The following C3orf22 variants were observed in gnomAD, a reference collection of about 807,000 sequenced individuals.
The protein encoded by C3orf22 is uncharacterized protein C3orf22.
Under a neutral mutation model 10.8 loss-of-function variants are expected in C3orf22, and 7 were observed. The ratio of observed to expected loss-of-function variants is 0.65; its 90% CI spans 0.37 to 1.22. The LOEUF is 1.22. Among genes scored for constraint, C3orf22 ranks in the 50% most tolerant of loss-of-function variants. C3orf22 has a pLI of 0.02. For synonymous variants in C3orf22, 79 were observed against 78.9 expected (o/e 1.00, Z 0.00); for missense variants, 173 against 177.0 (o/e 0.98, Z 0.13).
chr3:126,538,903 T>C lies in C3orf22; in HGVS notation c.287-9531A>G, dbSNP rs114985697. 5.1e-3 allele frequency among the ~76,000 whole-genome samples: 775 copies of C among 152,252 alleles called. 6 individuals carry two copies. Among genetic ancestry groups the C allele is most frequent in the African/African-American group, 0.017 (690 of 41,554 alleles). On this transcript the variant is annotated intron_variant and NMD_transcript_variant, in intron 4 of 5. Coordinates refer to the C3orf22 transcript ENST00000505070. ...AAATGTAAGCACATGACATGGCATT[T>C]GACACTACAGAAGGGTAGACACAGT...
chr3:126,557,424 G>A (rs142759030), intron 1 of C3orf22, among the ~76,000 whole-genome samples: 34 of 152,336 alleles, frequency 2.2e-4, no homozygotes, highest in South Asian at 6.2e-4. Context: ...TGGGATTCCG[G>A]AGTCCTCCAA....
chr3:126,553,511 G>C, intron 1 of C3orf22, 81 bp from the exon 2 acceptor site: 1 of 937,482 alleles, frequency 1.1e-6, no homozygotes, highest in Non-Finnish European at 1.7e-6. Flanking sequence ...AGCAGGGCTG[G>C]GGGTGCCTGC....
intron 1 of C3orf22, among the ~76,000 whole-genome samples, chr3:126,556,921 CACAG>C (rs1174884197): frequency 3.2e-5 from 4 of 126,090 alleles, no homozygotes; most frequent in Admixed American, 3.1e-4. Context: ...CATAGACACA[CACAG>C]ACACATACAC....
chr3:126,542,022 C>T (rs1161509789), intron 4 of C3orf22: 2 of 1,568,216 alleles, frequency 1.3e-6, no homozygotes, highest in Non-Finnish European at 1.7e-6. Flanking sequence ...GACTTCAGCC[C>T]CGCCGAGATC....
downstream of C3orf22, among the ~76,000 whole-genome samples, chr3:126,545,103 G>A (rs570537616): frequency 8.5e-5 from 13 of 152,234 alleles, no homozygotes; most frequent in Non-Finnish European, 1.6e-4. Flanking sequence ...AGAAAGACAG[G>A]GTCACATGTG....
Position 126,552,081 on chromosome 3 carries a change from G to A in C3orf22, c.131C>T (p.Pro44Leu). 1 of 1,613,836 alleles carries A rather than the reference G, an allele frequency of 6.2e-7. No individual in the cohort carries two copies. The change falls in exon 3 of 4, where the codon CCC becomes CTC. Residue 44 changes from proline (P) to leucine (L), a missense_variant. Coordinates refer to ENST00000318225, the MANE Select transcript of C3orf22 (RefSeq NM_152533.3). ...LTEPDPEPLQ[P>L]WEVTNDSNTV... ...GTTCGAGTCGTTTGTGACCTCCCAGGGCTGCAGGGGCTCAGGGTCGGGCTC... is the reference window on the plus strand; with the variant it reads ...GTTCGAGTCGTTTGTGACCTCCCAGAGCTGCAGGGGCTCAGGGTCGGGCTC...
At chr3:126,540,422 G>C (rs565123572) in intron 4 of C3orf22, among the ~76,000 whole-genome samples, 1 of 152,302 alleles carries the variant, frequency 6.6e-6, no homozygotes, top group Admixed American at 6.5e-5. Flanking sequence ...AGTTCACTCA[G>C]GTTCTAGTTT....
At chr3:126,532,489 A>G (rs1406942637) in intron 4 of C3orf22, among the ~76,000 whole-genome samples, 2 of 152,202 alleles carry the variant, frequency 1.3e-5, no homozygotes, top group Admixed American at 1.3e-4. Context: ...TTGCATGTGA[A>G]TATCTCATGC....
At chr3:126,542,477 C>T (rs747651308) in intron 4 of C3orf22, 4 of 1,582,604 alleles carry the variant, frequency 2.5e-6, no homozygotes, top group African/African-American at 2.8e-5. Context: ...GCGCCTCTTC[C>T]GGGACATCAG....
At chr3:126,541,166 G>A (rs947568488) in intron 4 of C3orf22, among the ~76,000 whole-genome samples, 4 of 152,202 alleles carry the variant, frequency 2.6e-5, no homozygotes, top group Non-Finnish European at 5.9e-5. Flanking sequence ...CTTCTCATAG[G>A]AGGGACAGGC....
intron 1 of C3orf22, 42 bp from the exon 2 acceptor site, chr3:126,553,472 G>A: frequency 8.0e-7 from 1 of 1,253,546 alleles, no homozygotes. Context: ...AGGGGTGGTG[G>A]GGGGCAGAAG....
In C3orf22 at chr3:126,558,722, C is replaced by T. The variant is rs112232846; in HGVS notation, c.-136G>A. On this transcript the variant is annotated 5_prime_UTR_variant, in exon 1 of 4. Coordinates refer to ENST00000318225, the MANE Select transcript of C3orf22 (RefSeq NM_152533.3). ...TCCAGCAAGATGCTGGTGTGAGAGC[C>T]GCTGTGGCCCCCGAGGCTGGCAGGG... 6.9e-3 allele frequency: 1,052 copies of T among 152,524 alleles called. 13 individuals carry two copies. The highest frequency in any genetic ancestry group is 0.024 in the African/African-American group (980 of 41,572). 9.4% of individuals were successfully genotyped at this position (152,524 alleles called of 1,614,324 possible).
chr3:126,556,477 G>C (rs1455970646), intron 1 of C3orf22, among the ~76,000 whole-genome samples: 1 of 151,942 alleles, frequency 6.6e-6, no homozygotes, highest in African/African-American at 2.4e-5. Flanking sequence ...CCTGGGTGCA[G>C]CTCCCAAGTG....
At chr3:126,542,117 G>C (rs759105663) in intron 4 of C3orf22, 1 of 1,577,756 alleles carries the variant, frequency 6.3e-7, no homozygotes, top group East Asian at 2.4e-5. Context: ...CAACAAGCTC[G>C]CGCGCCCCTA....
At chr3:126,555,519 G>A (rs894475544) in intron 1 of C3orf22, among the ~76,000 whole-genome samples, 4 of 152,266 alleles carry the variant, frequency 2.6e-5, no homozygotes, top group Non-Finnish European at 5.9e-5. Flanking sequence ...TCAGATCAGC[G>A]GCAGCATTAG....
At chr3:126,541,736 C>T in intron 4 of C3orf22, 2 of 1,467,272 alleles carry the variant, frequency 1.4e-6, no homozygotes, top group South Asian at 2.7e-5. Flanking sequence ...CCCACAGGAC[C>T]CGCGCTCGAC....
At chr3:126,551,885 G>A in intron 3 of C3orf22, 112 bp downstream of exon 3, 1 of 1,197,782 alleles carries the variant, frequency 8.3e-7, no homozygotes, top group South Asian at 1.6e-5. Context: ...CAGCTTTAAA[G>A]TGGCGCGTGC....
chr3:126,556,529 G>A (rs1937333574), intron 1 of C3orf22, among the ~76,000 whole-genome samples: 1 of 151,368 alleles, frequency 6.6e-6, no homozygotes, highest in Non-Finnish European at 1.5e-5. Flanking sequence ...CTTGGGGACT[G>A]CACATCTACA....
At chr3:126,545,620 C>T (rs1370915911), downstream of C3orf22, among the ~76,000 whole-genome samples, 10 of 152,178 alleles carry the variant, frequency 6.6e-5, no homozygotes, top group African/African-American at 1.2e-4. Flanking sequence ...GCTTCAGCAA[C>T]GAGTAAGACA....
Sources: gnomAD v4.1 joint callset for allele counts (sites outside exome capture counted in the v4.1 genomes callset) on GRCh38, gnomAD v4.1.1 for gene constraint, MANE v1.5 for transcripts, NCBI Gene and HGNC (gene_info 2026-07-23, HGNC 2026-07-21) for gene names.